TDRP: variants seen among roughly 807,000 people sequenced by gnomAD.
The protein encoded by TDRP is testis development related protein.
Under a neutral mutation model 10.5 loss-of-function variants are expected in TDRP, and 12 were observed. The ratio of observed to expected loss-of-function variants is 1.15; its 90% confidence interval spans 0.73 to 1.86. TDRP has a LOEUF of 1.86. Ranked by LOEUF, TDRP falls within the 40% of genes most tolerant of loss-of-function variation. TDRP has a pLI of 0.00. For missense variants in TDRP, 353 were observed against 229.2 expected (o/e 1.54, Z -3.49); for synonymous variants, 139 against 95.4 (o/e 1.46, Z -2.67).
intron 1 of TDRP, among the ~76,000 whole-genome samples, chr8:521,181 T>C (rs6999057): frequency 0.59 from 86,701 of 147,558 alleles, 25,900 homozygotes; most frequent in Admixed American, 0.66. Context: ...GGCAGGCGGA[T>C]CATGAGGTCA....
At chr8:528,998 G>A (rs1435786271) in intron 1 of TDRP, among the ~76,000 whole-genome samples, 1 of 152,154 alleles carries the variant, frequency 6.6e-6, no homozygotes, top group Non-Finnish European at 1.5e-5. Flanking sequence ...TTGAGGGCAG[G>A]AAGCATCCAG....
At chr8:493,855 C>T (rs112624779) in intron 2 of TDRP, among the ~76,000 whole-genome samples, 9 of 152,110 alleles carry the variant, frequency 5.9e-5, no homozygotes, top group African/African-American at 2.2e-4. Flanking sequence ...TGCTTTAAGG[C>T]TAATAAGTTC....
upstream of TDRP, chr8:545,008 GGACCAGGCCCGCCCCAAACCCTTCCGAA>G (rs1397072815): frequency 1.9e-4 from 54 of 279,772 alleles, no homozygotes; most frequent in African/African-American, 1.0e-3. Context: ...GCCCTCCTCA[GGACCAGGCCCGCCCCAAACCCTTCCGAA>G]GACCAGACCC....
intron 1 of TDRP, among the ~76,000 whole-genome samples, chr8:520,898 C>T (rs1054318395): frequency 6.6e-6 from 1 of 152,018 alleles, no homozygotes; most frequent in African/African-American, 2.4e-5. Context: ...TGCATTTTTA[C>T]TTTCTTGTTT....
chr8:492,751 G>A lies in TDRP; in HGVS notation c.213-7C>T, dbSNP rs144018190. 216 of 1,585,658 alleles carry A rather than the reference G, an allele frequency of 1.4e-4. No homozygotes were observed. In the African/African-American group the frequency reaches 2.7e-3, roughly 20 times the overall value. On this transcript the variant is annotated splice_region_variant and splice_polypyrimidine_tract_variant and intron_variant, in intron 2 of 2. Transcript: ENST00000324079. ...TTTTAATCGTAAGTTAGTTCTATAG[G>A]AGATGAAAGAGTTAGGTGTTGGTGA...
At chr8:536,683 T>C (rs545681946) in intron 1 of TDRP, among the ~76,000 whole-genome samples, 5 of 152,334 alleles carry the variant, frequency 3.3e-5, no homozygotes, top group Non-Finnish European at 7.3e-5. Flanking sequence ...GCTGAATATA[T>C]CAAATTTTAA....
intron 1 of TDRP, among the ~76,000 whole-genome samples, chr8:506,658 G>C (rs1801473204): frequency 6.6e-6 from 1 of 152,220 alleles, no homozygotes; most frequent in Admixed American, 6.5e-5. Flanking sequence ...CAAATGCTCA[G>C]TTCCCAGAGC....
At chr8:517,934 C>T (rs1273177534) in intron 1 of TDRP, among the ~76,000 whole-genome samples, 5 of 152,174 alleles carry the variant, frequency 3.3e-5, no homozygotes, top group East Asian at 3.9e-4. Flanking sequence ...TAAAAAGATC[C>T]GTGGTTGCAA....
intron 1 of TDRP, among the ~76,000 whole-genome samples, chr8:498,207 C>A (rs1300153743): frequency 2.0e-5 from 3 of 152,152 alleles, no homozygotes; most frequent in Non-Finnish European, 4.4e-5. Flanking sequence ...GAACCATGCA[C>A]CTGAAAAAGC....
At chr8:508,787 T>C (rs567410747) in intron 1 of TDRP, among the ~76,000 whole-genome samples, 1 of 152,316 alleles carries the variant, frequency 6.6e-6, no homozygotes, top group Non-Finnish European at 1.5e-5. Flanking sequence ...TTAATTCATT[T>C]CAGCATTAAC....
chr8:515,983 T>C (rs545301631), intron 1 of TDRP, among the ~76,000 whole-genome samples: 2 of 152,208 alleles, frequency 1.3e-5, no homozygotes, highest in Non-Finnish European at 2.9e-5. Flanking sequence ...ACAAGAACCA[T>C]AGTTAAAATG....
intron 1 of TDRP, among the ~76,000 whole-genome samples, chr8:522,238 G>A (rs905108804): frequency 2.0e-5 from 3 of 152,208 alleles, no homozygotes; most frequent in African/African-American, 7.2e-5. Flanking sequence ...GTCAGATGCA[G>A]ATATAACCGT....
intron 1 of TDRP, among the ~76,000 whole-genome samples, chr8:503,167 G>C (rs1486240770): frequency 6.6e-6 from 1 of 151,970 alleles, no homozygotes; most frequent in Admixed American, 6.6e-5. Flanking sequence ...CCACGCATCA[G>C]AACCCATGCC....
chr8:513,550 T>C (rs1453831406), intron 1 of TDRP, among the ~76,000 whole-genome samples: 1 of 152,160 alleles, frequency 6.6e-6, no homozygotes, highest in Non-Finnish European at 1.5e-5. Context: ...TAACACAACA[T>C]ACTAAATGGT....
intron 1 of TDRP, among the ~76,000 whole-genome samples, chr8:514,238 C>T (rs1345194): frequency 6.6e-6 from 1 of 152,030 alleles, no homozygotes; most frequent in Admixed American, 6.5e-5. Flanking sequence ...CACATCAATG[C>T]AATCAGTGGC....
At chr8:520,451 G>C (rs556357558) in intron 1 of TDRP, among the ~76,000 whole-genome samples, 19 of 152,136 alleles carry the variant, frequency 1.2e-4, no homozygotes, top group African/African-American at 4.3e-4. Flanking sequence ...CCTTTCTTTG[G>C]GATATATACA....
intron 1 of TDRP, among the ~76,000 whole-genome samples, chr8:503,394 C>A (rs570657705): frequency 6.6e-6 from 1 of 151,652 alleles, no homozygotes; most frequent in African/African-American, 2.4e-5. Flanking sequence ...CAATGCCCAC[C>A]TCTGCACGCG....
In TDRP at chr8:534,700, G is replaced by C. The variant is rs184492474; in HGVS notation, c.108+9950C>G. On this transcript the variant is annotated intron_variant, in intron 1 of 2. Coordinates refer to ENST00000324079, the MANE Select transcript of TDRP (RefSeq NM_001384899.1). The stretch of plus-strand genomic sequence containing the variant: ...GAAGGAGCTCGCTGGGTGATGATGA[G>C]TGTTTGCTGCTCTGCAAGTTGTGGA... Among the ~76,000 whole-genome samples, 20 of 152,372 alleles carry C rather than the reference G, an allele frequency of 1.3e-4. No homozygotes were observed. The East Asian group carries it at 3.3e-3, about 25-fold the overall frequency.
At chr8:527,663 A>T (rs1183127179) in intron 1 of TDRP, among the ~76,000 whole-genome samples, 4 of 152,114 alleles carry the variant, frequency 2.6e-5, no homozygotes, top group Admixed American at 2.6e-4. Flanking sequence ...GAAAAGGACA[A>T]TCTCTTCAAT....
Sources: allele counts gnomAD v4.1 joint callset (sites outside exome capture counted in the v4.1 genomes callset), GRCh38; gene constraint gnomAD v4.1.1; transcripts MANE v1.5; gene names NCBI Gene and HGNC (gene_info 2026-07-23, HGNC 2026-07-21).